The following ABCC12 variants were observed in gnomAD, a reference collection of about 807,000 sequenced individuals.
ABCC12 encodes ATP binding cassette subfamily C member 12.
ABCC12 carries 142 observed loss-of-function variants against 151.1 expected under a neutral mutation model. That is an observed-to-expected ratio of 0.94 (90% confidence interval 0.82 to 1.08). ABCC12 has a LOEUF of 1.08. Ranked by LOEUF, ABCC12 falls within the 50% of genes least tolerant of loss-of-function variation. ABCC12 has a pLI of 0.00. For missense variants in ABCC12, 1,638 were observed against 1,691.1 expected, an observed-to-expected ratio of 0.97 and a Z score of 0.55; for synonymous variants, 645 against 646.4, an observed-to-expected ratio of 1.00 and a Z score of 0.03.
intron 2 of ABCC12, among the ~76,000 whole-genome samples, chr16:48,150,755 T>C (rs1965106412): frequency 6.6e-6 from 1 of 152,184 alleles, no homozygotes; most frequent in African/African-American, 2.4e-5. Flanking sequence ...AGCAAGGAAA[T>C]ATATGTATGC....
intron 23 of ABCC12, among the ~76,000 whole-genome samples, chr16:48,097,214 G>A (rs1197367202): frequency 3.3e-5 from 5 of 152,104 alleles, no homozygotes; most frequent in Admixed American, 2.6e-4. Flanking sequence ...CTACAGCTGA[G>A]AAGAAGAGGT....
At chr16:48,137,229 C>CA (rs1192700937) in intron 8 of ABCC12, among the ~76,000 whole-genome samples, 66 of 152,162 alleles carry the variant, frequency 4.3e-4, no homozygotes, top group African/African-American at 1.5e-3. Flanking sequence ...GTAGAGCCAA[C>CA]AAACTCGTGG....
At chr16:48,127,819 C>A (rs1392081849) in intron 11 of ABCC12, among the ~76,000 whole-genome samples, 1 of 152,102 alleles carries the variant, frequency 6.6e-6, no homozygotes, top group East Asian at 1.9e-4. Context: ...CAGCACTTGA[C>A]CCAGGAGGCC....
chr16:48,113,890 T>G (rs1243790396), intron 15 of ABCC12, among the ~76,000 whole-genome samples: 1 of 152,112 alleles, frequency 6.6e-6, no homozygotes, highest in Non-Finnish European at 1.5e-5. Context: ...CTGTCAGGGA[T>G]GAGGCATCCC....
rs2150654851 is a variant in ABCC12 at position 48,130,719 on chromosome 16, C to T, written c.1236+69G>A. 1.0e-5 allele frequency: 13 copies of T among 1,287,370 alleles called. No individual in the cohort carries two copies. The Middle Eastern group carries it at 5.5e-4, about 55-fold the overall frequency. The allele number at this position is 1,287,370 out of a possible 1,614,324, so 79.7% of individuals were successfully genotyped here. ...CTCTCCAGCAGCTTGGTACAGCCTC[C>T]ACATATCTGAGCATTTTCCCACCCC... On this transcript the variant is annotated intron_variant, in intron 10 of 30. Transcript: ENST00000311303.
At chr16:48,105,393 G>C in intron 20 of ABCC12, 57 bp from the exon 21 acceptor site, 1 of 1,496,192 alleles carries the variant, frequency 6.7e-7, no homozygotes, top group Non-Finnish European at 9.0e-7. Context: ...CAGGAGAACA[G>C]GAATTTTCCG....
intron 6 of ABCC12, among the ~76,000 whole-genome samples, chr16:48,139,693 A>T (rs1964739033): frequency 6.6e-6 from 1 of 152,198 alleles, no homozygotes; most frequent in Non-Finnish European, 1.5e-5. Context: ...CCCAGAAAAG[A>T]CTACATTTCC....
intron 28 of ABCC12, chr16:48,086,501 TG>T: frequency 2.2e-6 from 1 of 453,372 alleles, no homozygotes; most frequent in Non-Finnish European, 4.0e-6. Context: ...CTCAGAGCAT[TG>T]TAGTAAGGAC....
intron 9 of ABCC12, among the ~76,000 whole-genome samples, chr16:48,131,442 C>T (rs1964423438): frequency 6.6e-6 from 1 of 152,150 alleles, no homozygotes. Flanking sequence ...TGCCCTGCCT[C>T]CCCATTCACC....
intron 8 of ABCC12, among the ~76,000 whole-genome samples, chr16:48,136,759 G>A (rs568121700): frequency 6.0e-4 from 92 of 152,242 alleles, no homozygotes; most frequent in Middle Eastern, 3.4e-3. Context: ...TCCAGCAGGA[G>A]CGCACTCCAG....
intron 24 of ABCC12, among the ~76,000 whole-genome samples, chr16:48,092,772 G>A (rs553744592): frequency 2.0e-5 from 3 of 152,278 alleles, no homozygotes; most frequent in African/African-American, 7.2e-5. Context: ...GAGAGGGGCC[G>A]GGGCTGGAGA....
chr16:48,127,610 ACC>A (rs1413958851), intron 11 of ABCC12, among the ~76,000 whole-genome samples: 1 of 152,066 alleles, frequency 6.6e-6, no homozygotes, highest in Admixed American at 6.5e-5. Flanking sequence ...AAGCTATTTA[ACC>A]CTCTTGTGCC....
chr16:48,132,888 G>A (rs193151069), intron 9 of ABCC12, among the ~76,000 whole-genome samples: 3 of 152,014 alleles, frequency 2.0e-5, no homozygotes, highest in East Asian at 1.9e-4. Flanking sequence ...TTACAAAACC[G>A]AGGCCAGAGA....
chr16:48,115,383 C>T (rs755099060), intron 15 of ABCC12, 32 bp downstream of exon 15: 16 of 1,606,042 alleles, frequency 1.0e-5, no homozygotes, highest in African/African-American at 4.0e-5. Context: ...ACACCCATCC[C>T]GTGACCTCCT....
chr16:48,088,878 C>T (rs1962753341), intron 25 of ABCC12, 144 bp from the exon 26 acceptor site: 1 of 697,004 alleles, frequency 1.4e-6, no homozygotes, highest in African/African-American at 1.8e-5. Context: ...ATTCTAGAAA[C>T]TCACATTCCA....
intron 12 of ABCC12, among the ~76,000 whole-genome samples, chr16:48,123,480 C>T (rs1437455259): frequency 6.6e-6 from 1 of 152,198 alleles, no homozygotes; most frequent in East Asian, 1.9e-4. Flanking sequence ...CATCCCCCCA[C>T]CACCCTATTC....
At chr16:48,100,469 G>T (rs911342880) in intron 23 of ABCC12, among the ~76,000 whole-genome samples, 4 of 151,798 alleles carry the variant, frequency 2.6e-5, no homozygotes, top group Admixed American at 2.6e-4. Flanking sequence ...TTATAAATAA[G>T]AAGAAAAAGA....
chr16:48,108,464 G>A lies in ABCC12; in HGVS notation c.2347C>T (p.His783Tyr). Residue 783 changes from histidine to tyrosine, a missense_variant, in exon 19 of 31, where the codon CAC (histidine) becomes TAC (tyrosine). Transcript: ENST00000311303. ...CCTCCAGAAGCCTTAATGTACGTGT[G>A]ATATGTTTTCCAGGTCACGGTTCCT... ...QEGTVTWKTY[H>Y]TYIKASGGYL... The A allele has an allele frequency of 1.2e-6, 2 of 1,614,166 alleles. No individual in the cohort carries two copies. The highest frequency in any genetic ancestry group is 2.7e-5 in the African/African-American group (2 of 75,060).
At chr16:48,099,105 A>G (rs1342755833) in intron 23 of ABCC12, among the ~76,000 whole-genome samples, 1 of 152,158 alleles carries the variant, frequency 6.6e-6, no homozygotes, top group South Asian at 2.1e-4. Flanking sequence ...TGAGAGAGAG[A>G]ATTAGAGGCA....
Sources: gnomAD v4.1 joint callset for allele counts (sites outside exome capture counted in the v4.1 genomes callset) on GRCh38, gnomAD v4.1.1 for gene constraint, MANE v1.5 for transcripts, NCBI Gene and HGNC (gene_info 2026-07-23, HGNC 2026-07-21) for gene names.